The following AGO3 variants were observed in gnomAD, a reference collection of about 807,000 sequenced individuals.
AGO3 encodes the protein argonaute RISC catalytic component 3, also known as protein argonaute-3.
A neutral mutation model predicts 105.5 loss-of-function variants in AGO3; 16 were observed. That is an observed-to-expected ratio of 0.15 (90% confidence interval 0.10 to 0.23). AGO3 has a LOEUF of 0.23. Ranked by LOEUF, AGO3 falls within the 10% of genes least tolerant of loss-of-function variation. AGO3 has a pLI of 1.00. For missense variants in AGO3, 534 were observed against 1,088.0 expected (o/e 0.49, Z 7.16); for synonymous variants, 340 against 367.3 (o/e 0.93, Z 0.85).
intron 2 of AGO3, among the ~76,000 whole-genome samples, chr1:35,954,993 TAGAC>T (rs1279396551): frequency 6.6e-6 from 1 of 152,180 alleles, no homozygotes; most frequent in East Asian, 1.9e-4. Flanking sequence ...ATAATCCACA[TAGAC>T]AGCATGAGCA....
rs1445854070 is a variant in AGO3 at position 36,060,792 on chromosome 1, T to G, written c.*5047T>G. 6.6e-6 allele frequency: 1 copy of G among 152,232 alleles called. No homozygotes were observed. The highest frequency in any genetic ancestry group is 2.4e-5 in the African/African-American group (1 of 41,466). 9.4% of individuals were successfully genotyped at this position (152,232 alleles called of 1,614,324 possible). A position where few individuals can be genotyped will look rare whatever the true frequency, so the allele number is the denominator to read the frequency against. ...AAATATCATTAGTGTGGCGTCTTTA[T>G]TTTGGCTTTATCCATATGAAGTATT... On this transcript the variant is annotated 3_prime_UTR_variant, in exon 19 of 19. Coordinates refer to ENST00000373191, the MANE Select transcript of AGO3 (RefSeq NM_024852.4).
At chr1:36,021,463 T>C (rs1569828136) in intron 11 of AGO3, among the ~76,000 whole-genome samples, 1 of 152,080 alleles carries the variant, frequency 6.6e-6, no homozygotes, top group Admixed American at 6.6e-5. Flanking sequence ...TTATACAATT[T>C]TGGAATATAT....
chr1:35,931,361 G>C lies in AGO3; in HGVS notation c.-66G>C. 2 of 1,381,576 alleles carry C rather than the reference G, an allele frequency of 1.4e-6. No homozygotes were observed. Among genetic ancestry groups the C allele is most frequent in the Non-Finnish European group, 1.9e-6 (2 of 1,059,460 alleles). 85.6% of individuals were successfully genotyped at this position (1,381,576 alleles called of 1,614,324 possible). On this transcript the variant is annotated 5_prime_UTR_variant, in exon 1 of 19. Coordinates refer to ENST00000373191, the MANE Select transcript of AGO3 (RefSeq NM_024852.4). ...GTCGCGTCGCGCCGCGTCGCCCCCC[G>C]GGCCGCCTCCTTGCCGCCAGTGGCG...
At chr1:36,044,395 T>G (rs200843) in intron 17 of AGO3, among the ~76,000 whole-genome samples, 21,749 of 151,984 alleles carry the variant, frequency 0.14, 3,469 homozygotes, top group East Asian at 0.55. Context: ...TTAGTTTTTT[T>G]TTGTTGTTGT....
rs113959813 is a variant in AGO3, at chr1:35,978,500, A to ATT, written c.658+4999_658+5000dup. On this transcript the variant is annotated intron_variant, in intron 5 of 18. Coordinates refer to ENST00000373191, the MANE Select transcript of AGO3 (RefSeq NM_024852.4). ...AGCCACCGCATCTGGCCTGAAAACA[A>ATT]TTTTTTTTTTTATTAACGTTAAACT... Among the ~76,000 whole-genome samples the ATT allele has an allele frequency of 8.6e-4, 129 of 149,206 alleles. 1 individual carries two copies. Among genetic ancestry groups the ATT allele is most frequent in the African/African-American group, 3.1e-3 (127 of 40,852 alleles).
rs1451875256 is a variant in AGO3 at position 35,931,363 on chromosome 1, G to A, written c.-64G>A. ...CGCGTCGCGCCGCGTCGCCCCCCGGGCCGCCTCCTTGCCGCCAGTGGCGGG... is the reference window on the plus strand; with the variant it reads ...CGCGTCGCGCCGCGTCGCCCCCCGGACCGCCTCCTTGCCGCCAGTGGCGGG... On this transcript the variant is annotated 5_prime_UTR_variant, in exon 1 of 19. Transcript: ENST00000373191. The A allele has an allele frequency of 7.2e-7, 1 of 1,392,300 alleles. No homozygotes were observed. The highest frequency in any genetic ancestry group is 9.4e-7 in the Non-Finnish European group (1 of 1,065,966). 86.2% of individuals were successfully genotyped at this position (1,392,300 alleles called of 1,614,324 possible).
intron 1 of AGO3, among the ~76,000 whole-genome samples, chr1:35,933,607 C>T (rs1271359420): frequency 1.6e-5 from 2 of 127,608 alleles, no homozygotes; most frequent in African/African-American, 6.3e-5. Flanking sequence ...GCGCCACTAA[C>T]TCCAGCCTGG....
chr1:35,966,897 ATATTTT>A, intron 2 of AGO3, 52 bp from the exon 3 acceptor site: 1 of 1,523,230 alleles, frequency 6.6e-7, no homozygotes, highest in Non-Finnish European at 8.8e-7. Flanking sequence ...ACTTCTGTTA[ATATTTT>A]TATATTTCAT....
chr1:36,054,951 C>G lies in AGO3; in HGVS notation c.2280C>G (p.Thr760=), dbSNP rs1322525478. The G allele has an allele frequency of 6.2e-7, 1 of 1,613,814 alleles. No individual in the cohort carries two copies. The highest frequency in any genetic ancestry group is 1.1e-5 in the South Asian group (1 of 91,046). ...TGTCATTGCCTTCTCTATAGGGTAC[C>G]AGTCGTCCTTCACACTATCATGTTT... ...YLCSHAGIQG[T]SRPSHYHVLW... Residue 760 remains threonine, a synonymous_variant, in exon 18 of 19, where the codon ACC becomes ACG. Transcript: ENST00000373191.
rs1325235459 is a variant in AGO3, at chr1:35,937,979, TC to T, written c.19+6535del. Among the ~76,000 whole-genome samples the T allele has an allele frequency of 4.7e-3, 712 of 151,130 alleles. 3 individuals are homozygous for T. The highest frequency in any genetic ancestry group is 0.017 in the African/African-American group (684 of 41,024). On this transcript the variant is annotated intron_variant, in intron 1 of 18. Transcript: ENST00000373191. ...TTCTTTTTCCAAAACAAAAATGTATTCTTTTTTTTTTTTTTTTTTGAGACGG... is the reference window on the plus strand; with the variant it reads ...TTCTTTTTCCAAAACAAAAATGTATTTTTTTTTTTTTTTTTTTTGAGACGG...
chr1:35,996,441 GAAA>G (rs995422916), intron 5 of AGO3, among the ~76,000 whole-genome samples: 1 of 151,652 alleles, frequency 6.6e-6, no homozygotes, highest in Non-Finnish European at 1.5e-5. Context: ...GTAAGAAATA[GAAA>G]AAAAGTAGTA....
chr1:36,016,881 G>A (rs1300395476), intron 11 of AGO3, among the ~76,000 whole-genome samples: 2 of 152,084 alleles, frequency 1.3e-5, no homozygotes, highest in African/African-American at 4.8e-5. Context: ...TTTTGGTTTG[G>A]TATGGTCTGT....
chr1:36,008,747 A>G lies in AGO3; in HGVS notation c.851A>G (p.Asn284Ser), dbSNP rs1640446165. ...ATGAGACGGAAATACCGTGTTTGTA[A>G]TGTAACAAGGAGGCCTGCCAGTCAT... ...GTMRRKYRVC[N>S]VTRRPASHQT... The change falls in exon 7 of 19, where the codon AAT becomes AGT. Residue 284 changes from asparagine to serine, a missense_variant. By Grantham distance (46) the Asn-to-Ser change is conservative. This residue lies in a region of AGO3 where 373 missense variants were observed against 854.0 expected (regional missense o/e 0.44). Transcript: ENST00000373191. This position sits in a 1 kb window ranked among gnomAD's most constrained non-coding sequence, Gnocchi z 5.1. The G allele has an allele frequency of 6.2e-7, 1 of 1,614,122 alleles. No individual in the cohort carries two copies. Among genetic ancestry groups the G allele is most frequent in the Non-Finnish European group, 8.5e-7 (1 of 1,180,018 alleles).
At chr1:36,006,108 C>CTT (rs540659653) in intron 6 of AGO3, among the ~76,000 whole-genome samples, 2 of 136,062 alleles carry the variant, frequency 1.5e-5, no homozygotes, top group African/African-American at 5.4e-5. Flanking sequence ...TAAAATAGGG[C>CTT]TTTTTTTTTT....
chr1:35,994,464 C>T (rs1273361421), intron 5 of AGO3, among the ~76,000 whole-genome samples: 5 of 152,100 alleles, frequency 3.3e-5, no homozygotes, highest in South Asian at 2.1e-4. Flanking sequence ...TACACTTTTG[C>T]CCTAAATTCA....
chr1:35,955,613 A>G (rs1172620534), intron 2 of AGO3, among the ~76,000 whole-genome samples: 1 of 149,444 alleles, frequency 6.7e-6, no homozygotes, highest in Non-Finnish European at 1.5e-5. Context: ...TTTTTAATTG[A>G]GACAGGAGTC....
intron 5 of AGO3, among the ~76,000 whole-genome samples, chr1:35,987,289 C>G (rs1303309871): frequency 6.6e-6 from 1 of 151,590 alleles, no homozygotes; most frequent in African/African-American, 2.4e-5. Context: ...GATCATGCCA[C>G]TGCGCTCCAG....
chr1:36,071,608 T>C lies in AGO3; in HGVS notation c.*15863T>C, dbSNP rs555728950. ...TCATCTTCCCTTCCCCTCTGTCTTA[T>C]GCCTGGCCTGGCCTTTTTTGTTGTT... On this transcript the variant is annotated 3_prime_UTR_variant, in exon 19 of 19. Transcript: ENST00000373191. 1 of 152,338 alleles carries C rather than the reference T, an allele frequency of 6.6e-6. No individual in the cohort carries two copies. The highest frequency in any genetic ancestry group is 2.4e-5 in the African/African-American group (1 of 41,584). The allele number at this position is 152,338 out of a possible 1,614,324, so 9.4% of individuals were successfully genotyped here. A position where few individuals can be genotyped will look rare whatever the true frequency, so the allele number is the denominator to read the frequency against.
chr1:35,932,645 G>A (rs1472896299), intron 1 of AGO3, among the ~76,000 whole-genome samples: 3 of 148,840 alleles, frequency 2.0e-5, no homozygotes, highest in Non-Finnish European at 4.4e-5. Context: ...CCATTGTTTC[G>A]CTTTCCCCCA....
Sources: allele counts gnomAD v4.1 joint callset (sites outside exome capture counted in the v4.1 genomes callset), GRCh38; gene constraint gnomAD v4.1.1; regional missense constraint gnomAD v4.1.1; non-coding constraint Gnocchi (gnomAD v3.1); transcripts MANE v1.5; gene names NCBI Gene and HGNC (gene_info 2026-07-23, HGNC 2026-07-21).